Variants in LGSN observed in about 807,000 individuals in gnomAD.
LGSN encodes the protein lengsin.
Under a neutral mutation model 19.5 loss-of-function variants are expected in LGSN, and 21 were observed. The observed-to-expected ratio is 1.07, with a 90% CI of 0.76 to 1.55. The LOEUF (loss-of-function observed/expected upper bound fraction) is 1.55, where lower values mean the gene tolerates loss of function less well. LGSN is among the 40% of genes most tolerant of loss of function. The pLI, the probability that LGSN is intolerant of heterozygous loss-of-function variation, is 0.00. For synonymous variants in LGSN, 257 were observed against 215.6 expected (o/e 1.19, Z -1.68); for missense variants, 673 against 608.5 (o/e 1.11, Z -1.12).
At chr6:63,321,950 T>C (rs1430110647), upstream of LGSN, among the ~76,000 whole-genome samples, 1 of 152,202 alleles carries the variant, frequency 6.6e-6, no homozygotes, top group Non-Finnish European at 1.5e-5. Context: ...TCAACTCAAG[T>C]ACTTCTCCTG....
chr6:63,399,552 G>T, the LGSN span, among the ~76,000 whole-genome samples: 9 of 149,320 alleles, frequency 6.0e-5, no homozygotes, highest in African/African-American at 1.5e-4. Flanking sequence ...CTGCCACCAT[G>T]CCTGGCTAAT....
the LGSN span, among the ~76,000 whole-genome samples, chr6:63,532,887 C>CT: frequency 6.6e-6 from 1 of 152,206 alleles, no homozygotes. Flanking sequence ...ATTATATCTG[C>CT]TTTTTAGCTA....
At chr6:63,348,166 C>G in the LGSN span, among the ~76,000 whole-genome samples, 3 of 152,290 alleles carry the variant, frequency 2.0e-5, no homozygotes, top group Middle Eastern at 0.01. Flanking sequence ...ACCTTGAAAA[C>G]TAGCAGCCAC....
At chr6:63,285,012 AC>A (rs1767470198) in intron 3 of LGSN, among the ~76,000 whole-genome samples, 1 of 152,178 alleles carries the variant, frequency 6.6e-6, no homozygotes, top group African/African-American at 2.4e-5. Context: ...CAAAATAAAC[AC>A]ATGACAAAAA....
At chr6:63,441,212 A>AT in the LGSN span, 1 of 282,896 alleles carries the variant, frequency 3.5e-6, no homozygotes. Context: ...CCATCTCAAA[A>AT]AAATAAATAA....
chr6:63,549,189 T>C, the LGSN span: 1 of 692,644 alleles, frequency 1.4e-6, no homozygotes, highest in South Asian at 1.6e-5. Flanking sequence ...CTTCTCTTGC[T>C]TAGTCTCTGA....
the LGSN span, among the ~76,000 whole-genome samples, chr6:63,362,113 C>T: frequency 4.6e-5 from 7 of 152,166 alleles, no homozygotes; most frequent in African/African-American, 1.7e-4. Context: ...ATAACAATAC[C>T]TTCTTCTGGA....
the LGSN span, among the ~76,000 whole-genome samples, chr6:63,384,080 C>A: frequency 1.3e-5 from 2 of 152,102 alleles, no homozygotes; most frequent in African/African-American, 4.8e-5. Context: ...ACGTTTAGAC[C>A]AACCCAAATC....
chr6:63,339,211 A>C, the LGSN span, among the ~76,000 whole-genome samples: 7 of 152,264 alleles, frequency 4.6e-5, no homozygotes, highest in Non-Finnish European at 8.8e-5. Context: ...ATGCAGATTA[A>C]GTCTGATGTT....
chr6:63,324,252 G>A (rs1390958437), upstream of LGSN, among the ~76,000 whole-genome samples: 1 of 152,188 alleles, frequency 6.6e-6, no homozygotes, highest in African/African-American at 2.4e-5. Context: ...CATACTTTCA[G>A]AACTGCTGCT....
chr6:63,552,454 GT>G, the LGSN span, among the ~76,000 whole-genome samples: 1 of 152,020 alleles, frequency 6.6e-6, no homozygotes, highest in Non-Finnish European at 1.5e-5. Context: ...AGATGAGTAG[GT>G]TGCAAAAATT....
At chr6:63,542,437 A>C in the LGSN span, among the ~76,000 whole-genome samples, 3 of 151,760 alleles carry the variant, frequency 2.0e-5, no homozygotes, top group Admixed American at 6.6e-5. Context: ...AAAAAAAAAA[A>C]CTCTCCTTTG....
the LGSN span, among the ~76,000 whole-genome samples, chr6:63,464,534 T>G: frequency 1.6e-3 from 242 of 148,538 alleles, 2 homozygotes; most frequent in Middle Eastern, 7.0e-3. Context: ...ATGGAAAAAA[T>G]ATATATATAT....
rs779033832 is a variant in LGSN at position 63,289,957 on chromosome 6, C to A, written c.164-4204G>T. On this transcript the variant is annotated intron_variant, in intron 2 of 3. Transcript: ENST00000370657. Reference sequence around the variant, plus strand: ...CTACCTTCTGGCCACATCATATTAGCGCAGACATTGTTGGAAAGCCCAGGT... The same window carrying A: ...CTACCTTCTGGCCACATCATATTAGAGCAGACATTGTTGGAAAGCCCAGGT... 9.3e-4 allele frequency among the ~76,000 whole-genome samples: 141 copies of A among 151,628 alleles called. 1 individual carries two copies. The highest frequency in any genetic ancestry group is 1.8e-3 in the Non-Finnish European group (123 of 67,948).
At position 63,278,657 on chromosome 6, in the gene LGSN, G is replaced by A. The variant is rs1443265946; in HGVS notation, c.*1364C>T. The A allele has an allele frequency of 6.6e-6, 1 of 150,594 alleles. No individual in the cohort carries two copies. Among genetic ancestry groups the A allele is most frequent in the East Asian group, 1.9e-4 (1 of 5,146 alleles). 9.3% of individuals were successfully genotyped at this position (150,594 alleles called of 1,614,324 possible). ...GTAGAAACAGGGGTCTCACTATGTG[G>A]TCCAGGCTGGACTCAAACTCCTGGC... is the stretch of plus-strand genomic sequence containing the variant. On this transcript the variant is annotated 3_prime_UTR_variant, in exon 4 of 4. Transcript: ENST00000370657.
At chr6:63,340,034 A>G in the LGSN span, among the ~76,000 whole-genome samples, 2 of 152,088 alleles carry the variant, frequency 1.3e-5, no homozygotes, top group South Asian at 2.1e-4. Context: ...TGTACTGGTT[A>G]TAGTATTCTT....
the LGSN span, among the ~76,000 whole-genome samples, chr6:63,533,566 A>G: frequency 1.3e-5 from 2 of 152,162 alleles, no homozygotes; most frequent in South Asian, 4.1e-4. Context: ...GCGTTGTTTA[A>G]TCTTGAATAC....
chr6:63,320,016 T>C (rs1314728659), upstream of LGSN: 5 of 1,120,534 alleles, frequency 4.5e-6, no homozygotes, highest in South Asian at 6.2e-5. Flanking sequence ...TATTTATATG[T>C]GTACCTACAA....
At chr6:63,425,158 C>G in the LGSN span, among the ~76,000 whole-genome samples, 2 of 152,164 alleles carry the variant, frequency 1.3e-5, no homozygotes, top group African/African-American at 4.8e-5. Flanking sequence ...GTATCACTCA[C>G]AGAAGGCTAT....
Sources: allele counts gnomAD v4.1 joint callset (sites outside exome capture counted in the v4.1 genomes callset), GRCh38; gene constraint gnomAD v4.1.1; transcripts MANE v1.5; gene names NCBI Gene and HGNC (gene_info 2026-07-23, HGNC 2026-07-21).